TMEM232: variants seen among roughly 807,000 people sequenced by gnomAD.
The protein encoded by TMEM232 is transmembrane protein 232.
Under a neutral mutation model 78.8 loss-of-function variants are expected in TMEM232, and 80 were observed. That is an observed-to-expected ratio of 1.01 (90% confidence interval 0.85 to 1.22). TMEM232 has a LOEUF of 1.22. TMEM232 is among the 50% of genes most tolerant of loss of function. The pLI is 0.00. For missense variants in TMEM232, 881 were observed against 742.2 expected (o/e 1.19, Z -2.17); for synonymous variants, 297 against 254.3 (o/e 1.17, Z -1.60).
At chr5:110,433,227 C>T (rs1006698454) in intron 12 of TMEM232, among the ~76,000 whole-genome samples, 7 of 151,694 alleles carry the variant, frequency 4.6e-5, no homozygotes, top group Non-Finnish European at 8.9e-5. Context: ...ACCACATGCT[C>T]AATCATAAAG....
At chr5:110,414,383 G>A (rs1216776332) in intron 2 of TMEM232, among the ~76,000 whole-genome samples, 1 of 152,174 alleles carries the variant, frequency 6.6e-6, no homozygotes, top group African/African-American at 2.4e-5. Context: ...TTTTCTGAAT[G>A]AGTGATTGCA....
At chr5:110,499,782 T>G (rs562054820) in intron 12 of TMEM232, among the ~76,000 whole-genome samples, 1 of 152,148 alleles carries the variant, frequency 6.6e-6, no homozygotes, top group African/African-American at 2.4e-5. Flanking sequence ...AAAAAGGTGA[T>G]AGTCAAATCT....
intron 12 of TMEM232, among the ~76,000 whole-genome samples, chr5:110,497,559 T>TCA (rs973031003): frequency 6.6e-6 from 1 of 152,126 alleles, no homozygotes; most frequent in Non-Finnish European, 1.5e-5. Flanking sequence ...TAAGGAAATT[T>TCA]CACACAAAAA....
intron 12 of TMEM232, among the ~76,000 whole-genome samples, chr5:110,471,617 G>GA (rs563884697): frequency 0.12 from 16,637 of 140,610 alleles, 1,099 homozygotes; most frequent in South Asian, 0.22. Flanking sequence ...AGTGCTGAAA[G>GA]AAAAAAAAAA....
intron 3 of TMEM232, chr5:110,397,706 C>A (rs554664433): frequency 6.6e-6 from 1 of 152,664 alleles, no homozygotes; most frequent in African/African-American, 2.4e-5. Flanking sequence ...TGGTTTCTTT[C>A]TGTGTCCTCT....
chr5:110,422,684 G>T (rs1374870366), intron 13 of TMEM232, among the ~76,000 whole-genome samples: 1 of 151,948 alleles, frequency 6.6e-6, no homozygotes, highest in Non-Finnish European at 1.5e-5. Flanking sequence ...TCACTGTCCA[G>T]AAGACAGCTC....
At chr5:110,404,414 C>T (rs1755712411) in intron 2 of TMEM232, among the ~76,000 whole-genome samples, 2 of 152,082 alleles carry the variant, frequency 1.3e-5, no homozygotes, top group South Asian at 2.1e-4. Flanking sequence ...ATTCAGATCC[C>T]ATGTAATATT....
intron 10 of TMEM232, among the ~76,000 whole-genome samples, chr5:110,604,438 G>A (rs1194756107): frequency 6.6e-6 from 1 of 152,072 alleles, no homozygotes; most frequent in African/African-American, 2.4e-5. Flanking sequence ...AGTAATTGTA[G>A]AGAAATCCTC....
In TMEM232 at chr5:110,494,218, A is replaced by G. The variant is rs113087974; in HGVS notation, c.1703+34370T>C. On this transcript the variant is annotated intron_variant, in intron 12 of 13. Transcript: ENST00000455884. Reference sequence around the variant, plus strand: ...AGTTCAACCTCATTAAAACCATAAAACTTCATAAATGATCATAAAACAGCA... The same window carrying G: ...AGTTCAACCTCATTAAAACCATAAAGCTTCATAAATGATCATAAAACAGCA... 6.2e-3 allele frequency among the ~76,000 whole-genome samples: 945 copies of G among 152,216 alleles called. 6 individuals carry two copies. Among genetic ancestry groups the G allele is most frequent in the Middle Eastern group, 0.01 (3 of 294 alleles).
chr5:110,687,017 T>C (rs1287272971), intron 1 of TMEM232, among the ~76,000 whole-genome samples: 3 of 152,150 alleles, frequency 2.0e-5, no homozygotes, highest in African/African-American at 4.8e-5. Context: ...TCAAGTCTGC[T>C]TTTCATCCCT....
chr5:110,643,351 A>T (rs916684563), intron 2 of TMEM232, among the ~76,000 whole-genome samples: 2 of 152,080 alleles, frequency 1.3e-5, no homozygotes, highest in African/African-American at 4.8e-5. Context: ...AAATTCAGAC[A>T]AGATATACCA....
intron 5 of TMEM232, among the ~76,000 whole-genome samples, chr5:110,633,857 T>C (rs1286253208): frequency 2.0e-5 from 3 of 152,172 alleles, no homozygotes; most frequent in Non-Finnish European, 4.4e-5. Flanking sequence ...TCAATAATAA[T>C]GTAAATGTAA....
rs1271989990 is a variant in TMEM232, at chr5:110,528,816, G to T, written c.1475C>A (p.Thr492Asn). 1 of 1,486,354 alleles carries T rather than the reference G, an allele frequency of 6.7e-7. No homozygotes were observed. Among genetic ancestry groups the T allele is most frequent in the Non-Finnish European group, 8.9e-7 (1 of 1,120,056 alleles). 92.1% of individuals were successfully genotyped at this position (1,486,354 alleles called of 1,614,324 possible). Residue 492 changes from threonine (T) to asparagine (N), a missense_variant, in exon 12 of 14, where the codon ACT becomes AAT. Transcript: ENST00000455884. The part of the protein sequence containing the change: ...NIAQAELNDP[T>N]DPFTRYSTNI... ...TGTACTATATCTAGTGAAAGGATCA[G>T]TTGGGTCATTTAACTCAGCCTGTTG...
intron 12 of TMEM232, among the ~76,000 whole-genome samples, chr5:110,511,346 G>A (rs906540971): frequency 6.6e-6 from 1 of 151,904 alleles, no homozygotes; most frequent in Non-Finnish European, 1.5e-5. Flanking sequence ...TAATGTAGAT[G>A]ATGGGTTGAT....
chr5:110,514,365 C>A (rs1337981267), intron 12 of TMEM232, among the ~76,000 whole-genome samples: 2 of 150,618 alleles, frequency 1.3e-5, no homozygotes, highest in Non-Finnish European at 2.9e-5. Flanking sequence ...TGTAAACCTT[C>A]CACTTATTAT....
rs186919763 is a variant in TMEM232, at chr5:110,441,496, C to T, written c.1704-16580G>A. ...GATTTCCATGATGGCACCAATAATCCCTGCCTCCTAGAACTCATGCCCTTG... is the reference window on the plus strand; with the variant it reads ...GATTTCCATGATGGCACCAATAATCTCTGCCTCCTAGAACTCATGCCCTTG... On this transcript the variant is annotated intron_variant, in intron 12 of 13. Transcript: ENST00000455884. 2.8e-3 allele frequency among the ~76,000 whole-genome samples: 428 copies of T among 152,234 alleles called. 3 individuals carry two copies. The highest frequency in any genetic ancestry group is 9.9e-3 in the African/African-American group (410 of 41,538).
At chr5:110,725,839 T>C (rs745562872) in intron 1 of TMEM232, 7 of 152,278 alleles carry the variant, frequency 4.6e-5, no homozygotes, top group Middle Eastern at 3.4e-3. Context: ...ACAGATAATA[T>C]TAAAATTATA....
intron 12 of TMEM232, among the ~76,000 whole-genome samples, chr5:110,492,451 G>A (rs948099213): frequency 6.6e-6 from 1 of 151,654 alleles, no homozygotes; most frequent in South Asian, 2.1e-4. Flanking sequence ...CTTATTAATG[G>A]ATAATATGAT....
At chr5:110,393,027 G>GAATTAA (rs1246689858) in intron 3 of TMEM232, among the ~76,000 whole-genome samples, 2 of 152,128 alleles carry the variant, frequency 1.3e-5, no homozygotes, top group East Asian at 3.8e-4. Flanking sequence ...TTCTGTTACT[G>GAATTAA]TGTCAGAACA....
Sources: gnomAD v4.1 joint callset for allele counts (sites outside exome capture counted in the v4.1 genomes callset) on GRCh38, gnomAD v4.1.1 for gene constraint, MANE v1.5 for transcripts, NCBI Gene and HGNC (gene_info 2026-07-23, HGNC 2026-07-21) for gene names.